LRRC9: variants seen among roughly 807,000 people sequenced by gnomAD.
The protein encoded by LRRC9 is leucine rich repeat containing 9.
In LRRC9, 122 loss-of-function variants were observed where a neutral mutation model predicts 63.2. The ratio of observed to expected loss-of-function variants is 1.93; its 90% confidence interval spans 1.67 to 2.24. The LOEUF is 2.24. Ranked by LOEUF, LRRC9 falls within the 30% of genes most tolerant of loss-of-function variation. The pLI, the probability that LRRC9 is intolerant of heterozygous loss-of-function variation, is 0.00. For synonymous variants in LRRC9, 366 were observed against 213.1 expected (o/e 1.72, Z -6.25); for missense variants, 1,071 against 627.7 (o/e 1.71, Z -7.55).
chr14:60,041,717 T>A (rs956185969), intron 29 of LRRC9, among the ~76,000 whole-genome samples: 1 of 152,086 alleles, frequency 6.6e-6, no homozygotes, highest in Non-Finnish European at 1.5e-5. Flanking sequence ...AAGTTTATTA[T>A]TACTGATCAT....
chr14:60,029,329 G>A (rs76109264), intron 28 of LRRC9, among the ~76,000 whole-genome samples: 1,578 of 152,132 alleles, frequency 0.01, 27 homozygotes, highest in African/African-American at 0.034. Context: ...ACACGCCATC[G>A]AGCTTAGAAT....
intron 29 of LRRC9, among the ~76,000 whole-genome samples, chr14:60,043,996 T>A (rs1893194898): frequency 6.6e-6 from 1 of 151,862 alleles, no homozygotes; most frequent in Non-Finnish European, 1.5e-5. Flanking sequence ...TTATTGGGTT[T>A]GTTGAGGTTT....
chr14:60,032,363 G>A (rs1265556708), intron 29 of LRRC9, among the ~76,000 whole-genome samples: 1 of 152,020 alleles, frequency 6.6e-6, no homozygotes, highest in Non-Finnish European at 1.5e-5. Flanking sequence ...ATGTCTGGTA[G>A]AATAAGCACC....
At chr14:60,016,928 T>G in intron 24 of LRRC9, 138 bp downstream of exon 24, 1 of 471,498 alleles carries the variant, frequency 2.1e-6, no homozygotes, top group Non-Finnish European at 3.8e-6. Flanking sequence ...ACTGAAAAGA[T>G]TCATGCTAAG....
intron 26 of LRRC9, among the ~76,000 whole-genome samples, chr14:60,022,436 TA>T (rs1566883884): frequency 6.6e-6 from 1 of 151,778 alleles, no homozygotes; most frequent in Non-Finnish European, 1.5e-5. Flanking sequence ...CATCTGAAAA[TA>T]AAGACAGTTT....
chr14:60,025,730 A>G (rs1239527640), intron 27 of LRRC9, among the ~76,000 whole-genome samples: 1 of 152,020 alleles, frequency 6.6e-6, no homozygotes, highest in Non-Finnish European at 1.5e-5. Flanking sequence ...TAATTTGCCA[A>G]GTTTGCACCA....
exon 26 of LRRC9, chr14:60,019,198 A>G (rs1455477863): frequency 1.4e-6 from 1 of 700,324 alleles, no homozygotes; most frequent in Non-Finnish European, 2.6e-6. Context: ...CCAGTAGACA[A>G]CTACTGTACC....
chr14:59,921,859 G>T (rs1426650146), intron 1 of LRRC9, among the ~76,000 whole-genome samples: 1 of 151,992 alleles, frequency 6.6e-6, no homozygotes, highest in Admixed American at 6.6e-5. Context: ...GCCGAGGCGG[G>T]TGGATCACAA....
exon 32 of LRRC9, chr14:60,063,406 T>C (rs551997975): frequency 2.9e-6 from 2 of 696,126 alleles, no homozygotes; most frequent in Non-Finnish European, 5.2e-6. Context: ...CTCACCTGTT[T>C]AGTAGTTGTA....
At chr14:60,047,016 A>T (rs1475383961) in intron 29 of LRRC9, among the ~76,000 whole-genome samples, 6 of 152,106 alleles carry the variant, frequency 3.9e-5, no homozygotes. Flanking sequence ...TTCTTTTTGT[A>T]ACAATTGTGA....
chr14:59,960,053 T>C (rs150683), intron 9 of LRRC9, 39 bp downstream of exon 9: 242,899 of 595,914 alleles, frequency 0.41, 52,755 homozygotes, highest in East Asian at 0.65. Flanking sequence ...TGATCTGAAA[T>C]GGAGAGAATC....
chr14:60,043,803 GTAA>G (rs1364384679), intron 29 of LRRC9, among the ~76,000 whole-genome samples: 1 of 143,916 alleles, frequency 6.9e-6, no homozygotes, highest in Non-Finnish European at 1.5e-5. Flanking sequence ...TGGTATCAGG[GTAA>G]TAATGCTGGC....
rs2140431877 is a variant in LRRC9 at position 60,051,882 on chromosome 14, T to C, written c.3991-1183T>C. Among the ~76,000 whole-genome samples, 1 of 152,308 alleles carries C rather than the reference T, an allele frequency of 6.6e-6. No individual in the cohort carries two copies. The highest frequency in any genetic ancestry group is 6.5e-5 in the Admixed American group (1 of 15,298). ...GATTCATGGGAGAAGCGTGGTTTCC[T>C]GGGCACGATAGCACACTCACCGCTT... On this transcript the variant is annotated intron_variant, in intron 29 of 31. Transcript: ENST00000445360. This position sits in a 1 kb window ranked among gnomAD's most constrained non-coding sequence, Gnocchi z 4.7.
At chr14:60,063,402 T>C (rs1894783042) in exon 32 of LRRC9, 4 of 696,618 alleles carry the variant, frequency 5.7e-6, no homozygotes, top group Non-Finnish European at 1.0e-5. Flanking sequence ...GAAACTCACC[T>C]GTTTAGTAGT....
Position 59,966,581 on chromosome 14 carries a change from C to T in LRRC9, c.1212-8C>T. The T allele has an allele frequency of 1.6e-6, 1 of 644,714 alleles. No homozygotes were observed. The highest frequency in any genetic ancestry group is 2.8e-6 in the Non-Finnish European group (1 of 356,496). 39.9% of individuals were successfully genotyped at this position (644,714 alleles called of 1,614,324 possible). A position where few individuals can be genotyped will look rare whatever the true frequency, so the allele number is the denominator to read the frequency against. ...CTTCATGTATATTCTGTATGTATTCCCACATAGGTTTAATTTCTGCTATGA... is the reference window on the plus strand; with the variant it reads ...CTTCATGTATATTCTGTATGTATTCTCACATAGGTTTAATTTCTGCTATGA... On this transcript the variant is annotated splice_region_variant and splice_polypyrimidine_tract_variant and intron_variant, in intron 10 of 31. Transcript: ENST00000445360. This position sits in a 1 kb window ranked among gnomAD's most constrained non-coding sequence, Gnocchi z 4.0.
intron 12 of LRRC9, 87 bp from the exon 13 acceptor site, chr14:59,974,489 A>T: frequency 6.6e-6 from 3 of 457,512 alleles, no homozygotes; most frequent in Admixed American, 8.3e-5. Flanking sequence ...GCCCAGACAC[A>T]TAAAAATAAA....
chr14:59,967,107 G>T, exon 12 of LRRC9: 1 of 640,876 alleles, frequency 1.6e-6, no homozygotes, highest in South Asian at 1.7e-5. Context: ...AGCTACCGAA[G>T]GATGCTGGAA....
rs1893622755 is a variant in LRRC9 at position 60,048,492 on chromosome 14, T to C, written c.3991-4573T>C. ...GACCCCACAAAAATACAAACAACCA[T>C]CAGAGAATACTATAAACACCTCTAT... is the stretch of plus-strand genomic sequence containing the variant. On this transcript the variant is annotated intron_variant, in intron 29 of 31. Coordinates refer to ENST00000445360, the Ensembl canonical transcript of LRRC9. 5.9e-5 allele frequency among the ~76,000 whole-genome samples: 9 copies of C among 151,972 alleles called. No homozygotes were observed. The South Asian group carries it at 1.9e-3, about 31-fold the overall frequency.
chr14:60,007,926 C>G (rs550026359), intron 22 of LRRC9, among the ~76,000 whole-genome samples, 166 bp from the exon 23 acceptor site: 1 of 121,498 alleles, frequency 8.2e-6, no homozygotes, highest in Non-Finnish European at 1.6e-5. Flanking sequence ...AGCAACAGCA[C>G]GAGACCATGT....
Sources: gnomAD v4.1 joint callset for allele counts (sites outside exome capture counted in the v4.1 genomes callset) on GRCh38, gnomAD v4.1.1 for gene constraint, Gnocchi (gnomAD v3.1) non-coding constraint, MANE v1.5 for transcripts, NCBI Gene and HGNC (gene_info 2026-07-23, HGNC 2026-07-21) for gene names.